The following NCOR2 variants were observed in gnomAD, a reference collection of about 807,000 sequenced individuals.
NCOR2 encodes CTG repeat protein 26.
A neutral mutation model predicts 262.9 loss-of-function variants in NCOR2; 81 were observed. The observed-to-expected ratio is 0.31, with a 90% CI of 0.26 to 0.37. The LOEUF is 0.37. Among genes scored for constraint, NCOR2 ranks in the 10% least tolerant of loss-of-function variants. The pLI, the probability that NCOR2 is intolerant of heterozygous loss-of-function variation, is 1.00. For synonymous variants in NCOR2, 1,659 were observed against 1,559.3 expected (o/e 1.06, Z -1.51); for missense variants, 3,385 against 3,621.4 (o/e 0.93, Z 1.68).
chr12:124,475,501 C>T (rs1430780955), intron 3 of NCOR2, among the ~76,000 whole-genome samples: 1 of 152,212 alleles, frequency 6.6e-6, no homozygotes, highest in Non-Finnish European at 1.5e-5. Context: ...GTAAAAATAG[C>T]TCAAGCTTTG....
chr12:124,555,094 C>G (rs2051839959), intron 1 of NCOR2, among the ~76,000 whole-genome samples: 1 of 152,216 alleles, frequency 6.6e-6, no homozygotes, highest in South Asian at 2.1e-4. Context: ...GTGTCCTGAG[C>G]CAATGATATC....
upstream of NCOR2, among the ~76,000 whole-genome samples, chr12:124,499,644 G>C (rs909432052): frequency 1.3e-5 from 2 of 152,224 alleles, no homozygotes; most frequent in African/African-American, 4.8e-5. Flanking sequence ...CGAGGGCCTG[G>C]GGGTGAGCAC....
chr12:124,347,530 T>C (rs1386198358), intron 30 of NCOR2: 4 of 403,146 alleles, frequency 9.9e-6, no homozygotes, highest in Non-Finnish European at 1.8e-5. Context: ...CAGGATGTTC[T>C]GTAAAACGAT....
At chr12:124,547,840 T>C (rs2051586656) in intron 1 of NCOR2, among the ~76,000 whole-genome samples, 1 of 152,252 alleles carries the variant, frequency 6.6e-6, no homozygotes, top group Non-Finnish European at 1.5e-5. Context: ...CATGCATCCG[T>C]ACTTCATTCC....
intron 13 of NCOR2, among the ~76,000 whole-genome samples, chr12:124,406,268 G>C (rs2042269631): frequency 6.6e-6 from 1 of 152,202 alleles, no homozygotes; most frequent in African/African-American, 2.4e-5. Flanking sequence ...GGCCGGATTT[G>C]GCCTGTGGGC....
Position 124,353,706 on chromosome 12 carries a change from G to A in NCOR2, c.3693+387C>T, listed in dbSNP as rs572326921. Among the ~76,000 whole-genome samples, 20 of 152,298 alleles carry A rather than the reference G, an allele frequency of 1.3e-4. No individual in the cohort carries two copies. The South Asian group carries it at 3.5e-3, about 27-fold the overall frequency. The stretch of plus-strand genomic sequence containing the variant: ...TAGAATGCTGTTCCCTGAGATTCCC[G>A]CATGGCTTGCACCCTCAATTTCTTC... On this transcript the variant is annotated intron_variant, in intron 27 of 46. Transcript: ENST00000405201.
exon 47 of NCOR2, chr12:124,325,386 C>CCCG (rs1555297278): frequency 1.9e-5 from 11 of 589,824 alleles, no homozygotes; most frequent in Admixed American, 1.1e-4. Context: ...CGCCCCCCCC[C>CCCG]CCGCCCTGTT....
At chr12:124,327,585 T>C in exon 45 of NCOR2, 1 of 1,613,506 alleles carries the variant, frequency 6.2e-7, no homozygotes, top group East Asian at 2.2e-5. Context: ...CAGCCCCATG[T>C]TGGTGCTGGC....
intron 17 of NCOR2, among the ~76,000 whole-genome samples, chr12:124,383,907 G>C (rs557295515): frequency 1.3e-5 from 2 of 152,312 alleles, no homozygotes; most frequent in Non-Finnish European, 2.9e-5. Context: ...AGGTTTTGGA[G>C]TCTCTAGGGG....
intron 1 of NCOR2, among the ~76,000 whole-genome samples, chr12:124,543,314 C>G (rs540534394): frequency 5.1e-4 from 77 of 152,344 alleles, no homozygotes; most frequent in Admixed American, 1.2e-3. Context: ...CCGGGCATAG[C>G]GACTGGGGAG....
chr12:124,425,280 A>G (rs1178616664), intron 11 of NCOR2, among the ~76,000 whole-genome samples: 1 of 152,180 alleles, frequency 6.6e-6, no homozygotes, highest in Non-Finnish European at 1.5e-5. Context: ...AGGCTGAGGC[A>G]GGAGAATGGC....
intron 20 of NCOR2, among the ~76,000 whole-genome samples, chr12:124,364,678 G>GTA (rs958630390): frequency 2.0e-5 from 3 of 152,192 alleles, no homozygotes; most frequent in Admixed American, 6.5e-5. Context: ...CCAGCACCGG[G>GTA]TATAGCACCT....
chr12:124,342,432 C>T (rs939491905), intron 33 of NCOR2, among the ~76,000 whole-genome samples: 2 of 152,018 alleles, frequency 1.3e-5, no homozygotes, highest in Non-Finnish European at 2.9e-5. Context: ...TGCAGTGGCG[C>T]GATCTTGGCT....
chr12:124,346,537 G>A, intron 31 of NCOR2, 27 bp downstream of exon 33: 1 of 1,492,196 alleles, frequency 6.7e-7, no homozygotes, highest in Non-Finnish European at 8.9e-7. Context: ...CTAGAACTGG[G>A]CCCGTGTGCC....
intron 1 of NCOR2, chr12:124,556,032 T>A (rs779872776): frequency 6.6e-6 from 1 of 152,240 alleles, no homozygotes; most frequent in African/African-American, 2.4e-5. Flanking sequence ...GCCCATTTTA[T>A]AGATGGCGAA....
At chr12:124,484,056 C>T (rs140054690) in intron 2 of NCOR2, among the ~76,000 whole-genome samples, 1 of 152,268 alleles carries the variant, frequency 6.6e-6, no homozygotes, top group African/African-American at 2.4e-5. Context: ...TCCCTTGCTA[C>T]GGACCACCCC....
rs1015220872 is a variant in NCOR2 at position 124,503,094 on chromosome 12, C to T, written c.-117-7726G>A. 9.8e-5 allele frequency among the ~76,000 whole-genome samples: 15 copies of T among 152,348 alleles called. No homozygotes were observed. Among genetic ancestry groups the T allele is most frequent in the African/African-American group, 2.9e-4 (12 of 41,578 alleles). ...ATCCCGGGTGCCACCCACAAGGGTG[C>T]GGTCTGCCCTCCAGCTGAGACCAGG... On this transcript the variant is annotated intron_variant, in intron 1 of 46. Coordinates refer to the NCOR2 transcript ENST00000404621. The surrounding 1 kb of genome is among the most constrained non-coding windows in gnomAD (Gnocchi z 4.3).
chr12:124,501,876 T>A (rs1318960986), intron 1 of NCOR2, among the ~76,000 whole-genome samples: 1 of 152,122 alleles, frequency 6.6e-6, no homozygotes, highest in African/African-American at 2.4e-5. Flanking sequence ...ATCTAATAAA[T>A]ATTTACTAAA....
intron 8 of NCOR2, among the ~76,000 whole-genome samples, chr12:124,435,352 G>A (rs1339969703): frequency 2.6e-5 from 4 of 152,156 alleles, no homozygotes; most frequent in Admixed American, 6.5e-5. Flanking sequence ...AGAGCCTCTC[G>A]CACCAGCCCA....
Sources: allele counts gnomAD v4.1 joint callset (sites outside exome capture counted in the v4.1 genomes callset), GRCh38; gene constraint gnomAD v4.1.1; non-coding constraint Gnocchi (gnomAD v3.1); transcripts MANE v1.5; gene names NCBI Gene and HGNC (gene_info 2026-07-23, HGNC 2026-07-21).